EBF1: variants seen among roughly 807,000 people sequenced by gnomAD.
EBF1 encodes the protein transcription factor COE1.
Under a neutral mutation model 68.4 loss-of-function variants are expected in EBF1, and 10 were observed. The ratio of observed to expected loss-of-function variants is 0.15; its 90% CI spans 0.09 to 0.25. The LOEUF is 0.25. EBF1 is among the 10% of genes least tolerant of loss of function. EBF1 has a pLI of 1.00. For missense variants in EBF1, 509 were observed against 794.4 expected (o/e 0.64, Z 4.32); for synonymous variants, 298 against 299.8 (o/e 0.99, Z 0.06).
intron 4 of EBF1, among the ~76,000 whole-genome samples, chr5:159,088,040 TA>T (rs1781024155): frequency 6.6e-6 from 1 of 152,132 alleles, no homozygotes. Context: ...GGAGTAGGAC[TA>T]AAATCCTGTA....
intron 10 of EBF1, among the ~76,000 whole-genome samples, chr5:158,737,148 C>T (rs1561785226): frequency 6.6e-6 from 1 of 151,784 alleles, no homozygotes; most frequent in Non-Finnish European, 1.5e-5. Context: ...ACTCCTGGAA[C>T]CACAGAAAGC....
At chr5:158,906,770 T>G (rs1804735241) in intron 6 of EBF1, among the ~76,000 whole-genome samples, 2 of 152,246 alleles carry the variant, frequency 1.3e-5, no homozygotes, top group African/African-American at 4.8e-5. Context: ...TTGGTTCTAT[T>G]GCATTTAGCT....
chr5:158,927,167 G>A (rs1446817653), intron 6 of EBF1, among the ~76,000 whole-genome samples: 2 of 152,158 alleles, frequency 1.3e-5, no homozygotes, highest in East Asian at 3.8e-4. Context: ...CTATAAGTAG[G>A]GATAACACTA....
rs1760142746 is a variant in EBF1 at position 158,714,323 on chromosome 5, G to A, written c.1126-141C>T. 1.1e-5 allele frequency: 9 copies of A among 850,020 alleles called. 1 individual carries two copies. The highest frequency in any genetic ancestry group is 2.0e-5 in the Admixed American group (1 of 50,534). 52.7% of individuals were successfully genotyped at this position (850,020 alleles called of 1,614,324 possible). On this transcript the variant is annotated intron_variant, in intron 11 of 15. Transcript: ENST00000313708. ...CCGTAGCTTGGGGAACCCCAGAAGG[G>A]TGTTAAATCACCAATTTATCCCTGT...
chr5:158,932,040 A>T (rs1304618760), intron 6 of EBF1, among the ~76,000 whole-genome samples: 1 of 152,200 alleles, frequency 6.6e-6, no homozygotes, highest in Admixed American at 6.5e-5. Flanking sequence ...GTATGGATAC[A>T]GTGGATGGGC....
At chr5:158,829,571 G>T (rs778326314) in intron 7 of EBF1, among the ~76,000 whole-genome samples, 4 of 151,950 alleles carry the variant, frequency 2.6e-5, no homozygotes, top group Admixed American at 6.6e-5. Flanking sequence ...TAATAATAGG[G>T]GAAACTGGGG....
At chr5:158,904,381 C>G (rs1184008362) in intron 6 of EBF1, among the ~76,000 whole-genome samples, 1 of 152,216 alleles carries the variant, frequency 6.6e-6, no homozygotes, top group Admixed American at 6.5e-5. Flanking sequence ...CCATTCATTA[C>G]AGCCTACTTG....
chr5:158,701,139 C>T (rs937213105), intron 15 of EBF1, among the ~76,000 whole-genome samples: 2 of 152,124 alleles, frequency 1.3e-5, no homozygotes, highest in Non-Finnish European at 2.9e-5. Context: ...TTAAAGACAG[C>T]GGGAGTTTTA....
intron 6 of EBF1, among the ~76,000 whole-genome samples, chr5:159,031,515 T>C (rs951287631): frequency 1.3e-5 from 2 of 152,260 alleles, no homozygotes; most frequent in Non-Finnish European, 2.9e-5. Flanking sequence ...AAATGTTTCC[T>C]GTGCTATATA....
chr5:158,935,285 A>G (rs984576412), intron 6 of EBF1, among the ~76,000 whole-genome samples: 12 of 152,140 alleles, frequency 7.9e-5, no homozygotes, highest in Non-Finnish European at 1.3e-4. Flanking sequence ...CCGAGGGCAC[A>G]GTTAAGGTGA....
chr5:158,756,315 A>T (rs1310946903), intron 10 of EBF1, among the ~76,000 whole-genome samples: 1 of 151,980 alleles, frequency 6.6e-6, no homozygotes, highest in Non-Finnish European at 1.5e-5. Context: ...TCCCAGGGTA[A>T]TCAGTCATCT....
At chr5:158,890,646 T>C (rs547765272) in intron 6 of EBF1, among the ~76,000 whole-genome samples, 1 of 152,346 alleles carries the variant, frequency 6.6e-6, no homozygotes, top group East Asian at 1.9e-4. Flanking sequence ...ACTTTTCATT[T>C]TGTCTGCTGC....
At chr5:158,817,916 C>CTGGA (rs1446485402) in intron 8 of EBF1, among the ~76,000 whole-genome samples, 1 of 152,208 alleles carries the variant, frequency 6.6e-6, no homozygotes, top group African/African-American at 2.4e-5. Context: ...TATCCCTTGG[C>CTGGA]TGGAGATCCA....
chr5:159,098,090 G>A (rs1456119102), intron 1 of EBF1, among the ~76,000 whole-genome samples: 2 of 152,280 alleles, frequency 1.3e-5, no homozygotes, highest in African/African-American at 4.8e-5. Flanking sequence ...GCCCAGGGAA[G>A]CTGGAGATGA....
Position 158,697,967 on chromosome 5 carries a change from G to A in EBF1, c.*1144C>T, listed in dbSNP as rs80331777. The A allele has an allele frequency of 0.036, 7,563 of 210,430 alleles. 569 individuals are homozygous for A. Among genetic ancestry groups the A allele is most frequent in the African/African-American group, 0.16 (6,894 of 43,962 alleles). 13.0% of individuals were successfully genotyped at this position (210,430 alleles called of 1,614,324 possible). A position where few individuals can be genotyped will look rare whatever the true frequency, so the allele number is the denominator to read the frequency against. On this transcript the variant is annotated 3_prime_UTR_variant, in exon 16 of 16. Transcript: ENST00000313708. ...ACCTTCTTTTCCTTTCTCCACCCCC[G>A]GTTCCCTTTAACTCTTAATTCCAAA...
In EBF1 at chr5:158,697,410, G is replaced by A. The variant is rs1373677376; in HGVS notation, c.*1701C>T. The A allele has an allele frequency of 9.7e-6, 2 of 205,274 alleles. No homozygotes were observed. Among genetic ancestry groups the A allele is most frequent in the Non-Finnish European group, 2.0e-5 (2 of 100,606 alleles). The allele number at this position is 205,274 out of a possible 1,614,324, so 12.7% of individuals were successfully genotyped here. On this transcript the variant is annotated 3_prime_UTR_variant, in exon 16 of 16. Coordinates refer to ENST00000313708, the MANE Select transcript of EBF1 (RefSeq NM_024007.5). The stretch of plus-strand genomic sequence containing the variant: ...TACTAAAAATAACTATAAATGAAAT[G>A]TTTAAAAATCACATTGAAACAGCTA...
At chr5:158,745,345 C>A (rs768334545) in intron 10 of EBF1, among the ~76,000 whole-genome samples, 3 of 152,192 alleles carry the variant, frequency 2.0e-5, no homozygotes, top group Non-Finnish European at 4.4e-5. Flanking sequence ...GTAATTACTT[C>A]TTGGTCAGGT....
At chr5:158,742,013 G>A (rs1312468169) in intron 10 of EBF1, among the ~76,000 whole-genome samples, 1 of 152,100 alleles carries the variant, frequency 6.6e-6, no homozygotes, top group Non-Finnish European at 1.5e-5. Flanking sequence ...TAAATCCACC[G>A]AGCTAATGAA....
chr5:159,023,144 G>A (rs568022463), intron 6 of EBF1, among the ~76,000 whole-genome samples: 1 of 150,194 alleles, frequency 6.7e-6, no homozygotes, highest in Admixed American at 6.6e-5. Flanking sequence ...GAACTCTTAA[G>A]CAGGTATTAA....
Sources: allele counts gnomAD v4.1 joint callset (sites outside exome capture counted in the v4.1 genomes callset), GRCh38; gene constraint gnomAD v4.1.1; transcripts MANE v1.5; gene names NCBI Gene and HGNC (gene_info 2026-07-23, HGNC 2026-07-21).